EYS: variants seen among roughly 807,000 people sequenced by gnomAD.
EYS encodes EGF-like photoreceptor maintenance factor.
In EYS, 250 loss-of-function variants were observed where a neutral mutation model predicts 282.1. That is an observed-to-expected ratio of 0.89 (90% CI 0.80 to 0.98). The LOEUF is 0.98. EYS is among the 50% of genes least tolerant of loss of function. The probability of loss-of-function intolerance (pLI) is 0.00; values close to 1 mark genes in which losing one functional copy is unlikely to be tolerated. For missense variants in EYS, 4,016 were observed against 3,709.0 expected (o/e 1.08, Z -2.15); for synonymous variants, 1,355 against 1,282.9 (o/e 1.06, Z -1.20).
At chr6:63,843,028 A>T (rs1581882894) in intron 36 of EYS, among the ~76,000 whole-genome samples, 1 of 152,178 alleles carries the variant, frequency 6.6e-6, no homozygotes, top group East Asian at 1.9e-4. Context: ...TATAGTTTGA[A>T]GTCAGGGTAG....
intron 1 of EYS, among the ~76,000 whole-genome samples, chr6:65,660,496 CT>C (rs1288403967): frequency 6.6e-6 from 1 of 151,638 alleles, no homozygotes; most frequent in African/African-American, 2.4e-5. Context: ...AACTATACGC[CT>C]TTTTGAAACC....
intron 31 of EYS, among the ~76,000 whole-genome samples, chr6:64,204,503 A>G (rs1302022275): frequency 6.6e-6 from 1 of 152,170 alleles, no homozygotes; most frequent in Non-Finnish European, 1.5e-5. Context: ...ATATACAATG[A>G]AATATTACTC....
chr6:64,525,180 A>G (rs1423816188), intron 26 of EYS, among the ~76,000 whole-genome samples: 2 of 151,810 alleles, frequency 1.3e-5, no homozygotes, highest in African/African-American at 4.8e-5. Context: ...CTGGGTATAT[A>G]CCCAAAGGAA....
chr6:65,118,532 T>C (rs937044285), intron 12 of EYS, among the ~76,000 whole-genome samples: 1 of 152,182 alleles, frequency 6.6e-6, no homozygotes, highest in African/African-American at 2.4e-5. Context: ...TGGCATCACA[T>C]GTGTTTGCAG....
intron 5 of EYS, among the ~76,000 whole-genome samples, chr6:65,480,108 T>C (rs1405570485): frequency 1.3e-5 from 2 of 152,004 alleles, no homozygotes; most frequent in Non-Finnish European, 1.5e-5. Flanking sequence ...CAGGTTGCAG[T>C]GAGCTGAGAT....
intron 12 of EYS, among the ~76,000 whole-genome samples, chr6:65,145,514 A>G (rs949376741): frequency 2.6e-5 from 3 of 113,406 alleles, no homozygotes; most frequent in East Asian, 2.1e-4. Flanking sequence ...ATGTAAGAGG[A>G]AAAAAAAAAA....
At chr6:64,319,001 A>ATCT (rs1342791024) in intron 29 of EYS, among the ~76,000 whole-genome samples, 4 of 151,808 alleles carry the variant, frequency 2.6e-5, no homozygotes, top group Admixed American at 6.6e-5. Context: ...CAAATACTAG[A>ATCT]TCTTATTCAT....
chr6:65,424,956 T>C lies in EYS; in HGVS notation c.863-19589A>G, dbSNP rs528398767. Among the ~76,000 whole-genome samples, 34 of 152,214 alleles carry C rather than the reference T, an allele frequency of 2.2e-4. 1 individual carries two copies. The highest frequency in any genetic ancestry group is 7.7e-4 in the African/African-American group (32 of 41,578). ...AATAAATGAAGCTAGAGATTGTTTT[T>C]CTTGTTTGGTGTCTCTGTGTCTAAG... On this transcript the variant is annotated intron_variant, in intron 5 of 42. Transcript: ENST00000503581.
chr6:64,717,023 T>TC (rs1476130199), intron 22 of EYS, among the ~76,000 whole-genome samples: 8 of 152,158 alleles, frequency 5.3e-5, no homozygotes, highest in Non-Finnish European at 1.2e-4. Context: ...CATTGGCTCT[T>TC]CCCCCTTTTC....
At chr6:63,859,398 A>AGATTGATTC (rs1223559904) in intron 36 of EYS, among the ~76,000 whole-genome samples, 4 of 152,188 alleles carry the variant, frequency 2.6e-5, no homozygotes, top group African/African-American at 9.6e-5. Context: ...TAACCCAGGC[A>AGATTGATTC]GATTGATTCT....
chr6:65,376,184 C>T (rs1048054306), intron 8 of EYS, among the ~76,000 whole-genome samples: 9 of 152,094 alleles, frequency 5.9e-5, no homozygotes, highest in Non-Finnish European at 1.3e-4. Context: ...TCTCTCTGCA[C>T]AAACCCTACA....
chr6:64,888,035 G>A (rs1225941361), intron 18 of EYS, among the ~76,000 whole-genome samples: 1 of 151,998 alleles, frequency 6.6e-6, no homozygotes, highest in Non-Finnish European at 1.5e-5. Flanking sequence ...ACAAATAACA[G>A]GACTTCATTC....
chr6:65,183,418 C>G (rs979126473), intron 12 of EYS, among the ~76,000 whole-genome samples: 14 of 151,870 alleles, frequency 9.2e-5, no homozygotes, highest in African/African-American at 3.1e-4. Context: ...ATTCCAAATA[C>G]AATTTCGGAG....
At chr6:63,958,792 A>T (rs1284074298) in intron 35 of EYS, among the ~76,000 whole-genome samples, 2 of 152,196 alleles carry the variant, frequency 1.3e-5, no homozygotes, top group African/African-American at 2.4e-5. Context: ...CTACAAATGC[A>T]GCAAAAAAGC....
intron 8 of EYS, among the ~76,000 whole-genome samples, chr6:65,360,340 A>G (rs9453270): frequency 0.67 from 102,225 of 151,694 alleles, 34,539 homozygotes; most frequent in South Asian, 0.71. Flanking sequence ...GAAAATTAAT[A>G]AAGTAAAATC....
chr6:64,453,678 TA>T (rs1310411812), intron 26 of EYS, among the ~76,000 whole-genome samples: 11 of 152,198 alleles, frequency 7.2e-5, no homozygotes, highest in Middle Eastern at 6.8e-3. Context: ...TATGCAGCCA[TA>T]AAAAATGATG....
intron 41 of EYS, among the ~76,000 whole-genome samples, chr6:63,752,639 C>A (rs1004244200): frequency 6.6e-6 from 1 of 151,800 alleles, no homozygotes; most frequent in Non-Finnish European, 1.5e-5. Flanking sequence ...ACTACAGGCA[C>A]CCACCACCAT....
chr6:64,007,256 C>T (rs1768392253), intron 33 of EYS, among the ~76,000 whole-genome samples: 1 of 151,846 alleles, frequency 6.6e-6, no homozygotes, highest in Admixed American at 6.6e-5. Context: ...TTATTCATTT[C>T]TTCTAGGTTT....
chr6:65,661,392 CTTAAAAA>C (rs2149825801), intron 1 of EYS, among the ~76,000 whole-genome samples: 1 of 152,026 alleles, frequency 6.6e-6, no homozygotes, highest in South Asian at 2.1e-4. Context: ...GGAACTGAGG[CTTAAAAA>C]GATTATATAA....
Sources: gnomAD v4.1 joint callset for allele counts (sites outside exome capture counted in the v4.1 genomes callset) on GRCh38, gnomAD v4.1.1 for gene constraint, MANE v1.5 for transcripts, NCBI Gene and HGNC (gene_info 2026-07-23, HGNC 2026-07-21) for gene names.